Variants in GNG7 observed in about 807,000 individuals in gnomAD.
The protein encoded by GNG7 is guanine nucleotide-binding protein G(I)/G(S)/G(O) subunit gamma-7.
Under a neutral mutation model 4.0 loss-of-function variants are expected in GNG7, and 1 was observed. That is an observed-to-expected ratio of 0.25 (90% CI 0.09 to 1.18). The LOEUF (loss-of-function observed/expected upper bound fraction) is 1.18, where lower values mean the gene tolerates loss of function less well. Ranked by LOEUF, GNG7 falls within the 50% of genes most tolerant of loss-of-function variation. The pLI is 0.50. For missense variants in GNG7, 86 were observed against 91.9 expected (o/e 0.94, Z 0.26); for synonymous variants, 34 against 36.9 (o/e 0.92, Z 0.29).
chr19:2,667,868 T>C (rs1242258663), intron 1 of GNG7, among the ~76,000 whole-genome samples: 3 of 152,004 alleles, frequency 2.0e-5, no homozygotes, highest in Admixed American at 1.3e-4. Flanking sequence ...TGAGCCGAGA[T>C]TGCACCACTG....
chr19:2,636,924 G>A (rs1033438798), intron 2 of GNG7, among the ~76,000 whole-genome samples: 3 of 150,476 alleles, frequency 2.0e-5, no homozygotes, highest in East Asian at 2.0e-4. Flanking sequence ...GCACACCTGC[G>A]CCCATCTGCA....
chr19:2,588,241 G>T (rs942345641), intron 2 of GNG7, among the ~76,000 whole-genome samples: 4 of 152,166 alleles, frequency 2.6e-5, no homozygotes, highest in Non-Finnish European at 5.9e-5. Flanking sequence ...TGAGAGGGTG[G>T]CCGGGGACTG....
chr19:2,547,084 C>G (rs1979154493), intron 3 of GNG7, among the ~76,000 whole-genome samples: 1 of 151,572 alleles, frequency 6.6e-6, no homozygotes, highest in Non-Finnish European at 1.5e-5. Flanking sequence ...GCCCCCCCCC[C>G]AGAAAACTCC....
intron 2 of GNG7, among the ~76,000 whole-genome samples, chr19:2,587,701 G>A (rs1980717499): frequency 4.6e-5 from 7 of 152,110 alleles, no homozygotes. Context: ...ATGGAAGGGA[G>A]GGGGACGCTG....
intron 3 of GNG7, among the ~76,000 whole-genome samples, chr19:2,527,225 C>T (rs1420525221): frequency 2.0e-5 from 3 of 152,206 alleles, no homozygotes; most frequent in Admixed American, 6.5e-5. Context: ...CACCCTCTCC[C>T]GGTCCCCTCC....
chr19:2,576,854 T>A (rs1980357218), intron 2 of GNG7, among the ~76,000 whole-genome samples: 1 of 152,064 alleles, frequency 6.6e-6, no homozygotes, highest in Non-Finnish European at 1.5e-5. Flanking sequence ...GGCTAATTTT[T>A]AAAATTTGTT....
At chr19:2,625,132 G>C (rs1441755017) in intron 2 of GNG7, among the ~76,000 whole-genome samples, 1 of 152,156 alleles carries the variant, frequency 6.6e-6, no homozygotes, top group Non-Finnish European at 1.5e-5. Context: ...GCAGTGGTGC[G>C]ATCTCAGCTC....
chr19:2,549,115 A>G (rs1979229921), intron 3 of GNG7, among the ~76,000 whole-genome samples: 1 of 152,168 alleles, frequency 6.6e-6, no homozygotes, highest in African/African-American at 2.4e-5. Flanking sequence ...GCAAACTGTC[A>G]GGACCCCCGG....
intron 4 of GNG7, 121 bp from the exon 5 acceptor site, chr19:2,515,268 G>T (rs1204442861): frequency 8.8e-6 from 11 of 1,247,708 alleles, no homozygotes; most frequent in Non-Finnish European, 1.2e-5. Context: ...CATTGATGGG[G>T]GCGTGGGCAA....
chr19:2,575,533 GCAGA>G (rs1303722317), intron 2 of GNG7, among the ~76,000 whole-genome samples: 1 of 140,130 alleles, frequency 7.1e-6, no homozygotes, highest in African/African-American at 2.7e-5. Context: ...GCAGGCACAC[GCAGA>G]CAGGCAGGCA....
chr19:2,660,652 G>A (rs1471986483), intron 1 of GNG7, among the ~76,000 whole-genome samples: 3 of 152,128 alleles, frequency 2.0e-5, no homozygotes, highest in African/African-American at 7.2e-5. Context: ...TTAGCCAGTC[G>A]TGATGGTGTG....
intron 2 of GNG7, among the ~76,000 whole-genome samples, chr19:2,604,691 G>GGGGA (rs1437638553): frequency 1.4e-5 from 2 of 147,850 alleles, no homozygotes; most frequent in Non-Finnish European, 3.0e-5. Context: ...GGGAGGGAGT[G>GGGGA]GGGAGGGAGG....
At chr19:2,574,069 G>C (rs900097960) in intron 2 of GNG7, among the ~76,000 whole-genome samples, 4 of 152,146 alleles carry the variant, frequency 2.6e-5, no homozygotes, top group Non-Finnish European at 4.4e-5. Flanking sequence ...TTGGGTGCCT[G>C]GGTCTGGCCC....
At chr19:2,521,057 C>T (rs1024108616) in intron 3 of GNG7, among the ~76,000 whole-genome samples, 2 of 150,936 alleles carry the variant, frequency 1.3e-5, no homozygotes, top group African/African-American at 4.9e-5. Context: ...AGATCGAGAC[C>T]ATCCTGGCTA....
chr19:2,620,481 C>T (rs993266805), intron 2 of GNG7, among the ~76,000 whole-genome samples: 3 of 152,068 alleles, frequency 2.0e-5, no homozygotes, highest in Admixed American at 6.6e-5. Flanking sequence ...TTAAAAAAGG[C>T]GAAACCTCAG....
At chr19:2,675,344 C>A (rs775632146) in intron 1 of GNG7, among the ~76,000 whole-genome samples, 14 of 152,154 alleles carry the variant, frequency 9.2e-5, no homozygotes, top group Non-Finnish European at 1.2e-4. Context: ...CTTTATGGAA[C>A]CTCCAGGCTC....
At chr19:2,672,458 T>C (rs1983479611) in intron 1 of GNG7, among the ~76,000 whole-genome samples, 1 of 151,810 alleles carries the variant, frequency 6.6e-6, no homozygotes, top group South Asian at 2.1e-4. Context: ...TTTTTTTTTT[T>C]TCTTTTGAGA....
chr19:2,528,114 C>CA (rs56751474), intron 3 of GNG7, among the ~76,000 whole-genome samples: 7,447 of 150,832 alleles, frequency 0.049, 579 homozygotes, highest in African/African-American at 0.17. Flanking sequence ...GCTAAAAATA[C>CA]AAAAAAATGA....
chr19:2,677,669 A>G (rs964054933), intron 1 of GNG7, among the ~76,000 whole-genome samples: 4 of 152,142 alleles, frequency 2.6e-5, no homozygotes, highest in Non-Finnish European at 5.9e-5. Context: ...GAACCTCAGG[A>G]GGACAGAGGA....
Sources: gnomAD v4.1 joint callset for allele counts (sites outside exome capture counted in the v4.1 genomes callset) on GRCh38, gnomAD v4.1.1 for gene constraint, MANE v1.5 for transcripts, NCBI Gene and HGNC (gene_info 2026-07-23, HGNC 2026-07-21) for gene names.